The following GRIA4 variants were observed in gnomAD, a reference collection of about 807,000 sequenced individuals.
GRIA4 encodes the protein glutamate receptor 4.
A neutral mutation model predicts 104.0 loss-of-function variants in GRIA4; 34 were observed. That is an observed-to-expected ratio of 0.33 (90% CI 0.25 to 0.44). GRIA4 has a LOEUF of 0.44. GRIA4 is among the 20% of genes least tolerant of loss of function. The pLI is 1.00. For missense variants in GRIA4, 750 were observed against 1,096.5 expected (o/e 0.68, Z 4.46); for synonymous variants, 386 against 381.9 (o/e 1.01, Z -0.13).
chr11:105,674,575 C>A (rs141098059), intron 3 of GRIA4, among the ~76,000 whole-genome samples: 255 of 151,952 alleles, frequency 1.7e-3, no homozygotes, highest in African/African-American at 5.8e-3. Flanking sequence ...AGTTGGACTA[C>A]ATGACTTCCA....
intron 3 of GRIA4, among the ~76,000 whole-genome samples, chr11:105,623,621 T>C (rs774435990): frequency 6.6e-6 from 1 of 152,060 alleles, no homozygotes; most frequent in Non-Finnish European, 1.5e-5. Flanking sequence ...ATACAGTTAT[T>C]TGCCTAACTA....
At chr11:105,668,484 A>G (rs1487144796) in intron 3 of GRIA4, among the ~76,000 whole-genome samples, 4 of 151,456 alleles carry the variant, frequency 2.6e-5, no homozygotes, top group African/African-American at 9.7e-5. Flanking sequence ...TCTGCAAGGT[A>G]CTAATTTCAT....
chr11:105,643,845 A>G (rs1216315408), intron 3 of GRIA4, among the ~76,000 whole-genome samples: 2 of 152,114 alleles, frequency 1.3e-5, no homozygotes, highest in Non-Finnish European at 2.9e-5. Flanking sequence ...AAGCCTCCCC[A>G]GTAGCTGGGA....
chr11:105,813,501 C>T (rs920327394), intron 4 of GRIA4, among the ~76,000 whole-genome samples: 7 of 152,086 alleles, frequency 4.6e-5, no homozygotes, highest in South Asian at 2.1e-4. Flanking sequence ...AATATTTTCC[C>T]GTGAAGAAAC....
chr11:105,735,339 GATA>G (rs1398831640), intron 3 of GRIA4, among the ~76,000 whole-genome samples: 1 of 151,986 alleles, frequency 6.6e-6, no homozygotes, highest in Non-Finnish European at 1.5e-5. Context: ...AAAGAGAAAG[GATA>G]ATAATTTATT....
chr11:105,710,422 T>C lies in GRIA4; in HGVS notation c.248-42559T>C, dbSNP rs1014448240. On this transcript the variant is annotated intron_variant, in intron 3 of 16. Coordinates refer to ENST00000282499, the MANE Select transcript of GRIA4 (RefSeq NM_000829.4). ...CATTGTCAGAAAAATCCCTGGCCCC[T>C]GAGCCACCACCACAGCAAGTATTCT... Among the ~76,000 whole-genome samples the C allele has an allele frequency of 9.2e-5, 14 of 152,232 alleles. No individual in the cohort carries two copies. In the South Asian group the frequency reaches 1.9e-3, roughly 20 times the overall value.
At chr11:105,966,701 G>GTTT in intron 14 of GRIA4, among the ~76,000 whole-genome samples, 1 of 151,744 alleles carries the variant, frequency 6.6e-6, no homozygotes, top group South Asian at 2.1e-4. Flanking sequence ...TAAAATAATA[G>GTTT]TTTTTTTTAT....
intron 4 of GRIA4, among the ~76,000 whole-genome samples, chr11:105,768,338 T>C (rs1042578163): frequency 6.6e-6 from 1 of 152,142 alleles, no homozygotes; most frequent in African/African-American, 2.4e-5. Flanking sequence ...TAAAGGATGA[T>C]ATTGGCATAA....
chr11:105,719,808 A>C (rs2135572666), intron 3 of GRIA4, among the ~76,000 whole-genome samples: 1 of 151,822 alleles, frequency 6.6e-6, no homozygotes, highest in Non-Finnish European at 1.5e-5. Context: ...TGGCATGAAA[A>C]TTTTTCCCAA....
intron 4 of GRIA4, among the ~76,000 whole-genome samples, chr11:105,757,046 C>T (rs1352161616): frequency 6.6e-6 from 1 of 152,064 alleles, no homozygotes; most frequent in Non-Finnish European, 1.5e-5. Context: ...TCACTTGTAA[C>T]TGAGGGAGAA....
At position 105,966,087 on chromosome 11, in the gene GRIA4, G is replaced by A. The variant is rs1468771180; in HGVS notation, c.2295-5827G>A. ...GTTAGCCTCAATGTCACCAAAAGCG[G>A]GTAAACAGTATGTAAAGTAATAGGT... On this transcript the variant is annotated intron_variant, in intron 14 of 16. Coordinates refer to ENST00000282499, the MANE Select transcript of GRIA4 (RefSeq NM_000829.4). The A allele has an allele frequency of 2.0e-6, 3 of 1,492,156 alleles. No individual in the cohort carries two copies. The Admixed American group carries it at 5.0e-5, about 25-fold the overall frequency. 92.4% of individuals were successfully genotyped at this position (1,492,156 alleles called of 1,614,324 possible).
chr11:105,742,490 T>G (rs1481863670), intron 3 of GRIA4, among the ~76,000 whole-genome samples: 1 of 152,042 alleles, frequency 6.6e-6, no homozygotes, highest in Non-Finnish European at 1.5e-5. Context: ...CTCTACTGAC[T>G]CCATTCCCTT....
rs765255898 is a variant in GRIA4 at position 105,981,592 on chromosome 11, A to ACACACACACACACACACAC, written c.*1853_*1854insCACACACACACACACACAC. 1 of 46,110 alleles carries ACACACACACACACACACAC rather than the reference A, an allele frequency of 2.2e-5. No individual in the cohort carries two copies. Among genetic ancestry groups the ACACACACACACACACACAC allele is most frequent in the Non-Finnish European group, 5.1e-5 (1 of 19,440 alleles). The allele number at this position is 46,110 out of a possible 1,614,324, so 2.9% of individuals were successfully genotyped here. A position where few individuals can be genotyped will look rare whatever the true frequency, so the allele number is the denominator to read the frequency against. On this transcript the variant is annotated 3_prime_UTR_variant, in exon 17 of 17. Coordinates refer to ENST00000282499, the MANE Select transcript of GRIA4 (RefSeq NM_000829.4). ...ACACACACACACACACACACACACA[A>ACACACACACACACACACAC]GTCCCTCAGGAAAAATTCCAAGCTC...
intron 3 of GRIA4, among the ~76,000 whole-genome samples, chr11:105,620,188 A>G (rs1196538250): frequency 2.0e-5 from 3 of 151,858 alleles, no homozygotes; most frequent in Non-Finnish European, 4.4e-5. Flanking sequence ...TTTTCTCAGA[A>G]TAGTTTGCAG....
At chr11:105,790,917 T>C (rs948650641) in intron 4 of GRIA4, among the ~76,000 whole-genome samples, 8 of 152,174 alleles carry the variant, frequency 5.3e-5, no homozygotes, top group African/African-American at 1.9e-4. Context: ...CTGAAGAACC[T>C]TGGCTGTCCA....
intron 4 of GRIA4, among the ~76,000 whole-genome samples, chr11:105,846,086 T>C (rs1396026339): frequency 6.6e-6 from 1 of 152,158 alleles, no homozygotes; most frequent in African/African-American, 2.4e-5. Context: ...TCAATAAATA[T>C]TTATGGTGTG....
chr11:105,744,565 C>T (rs545539971), intron 3 of GRIA4, among the ~76,000 whole-genome samples: 2 of 152,044 alleles, frequency 1.3e-5, no homozygotes, highest in Non-Finnish European at 2.9e-5. Flanking sequence ...GAATACATAC[C>T]TCACCTCAAA....
At chr11:105,837,474 T>C (rs550904852) in intron 4 of GRIA4, among the ~76,000 whole-genome samples, 92 of 152,228 alleles carry the variant, frequency 6.0e-4, no homozygotes, top group African/African-American at 2.0e-3. Flanking sequence ...AGGAGCACAG[T>C]GTAGATTTAA....
intron 3 of GRIA4, among the ~76,000 whole-genome samples, chr11:105,686,029 C>T (rs755279321): frequency 2.6e-5 from 4 of 151,466 alleles, no homozygotes; most frequent in Non-Finnish European, 5.9e-5. Context: ...TAGAGGAATG[C>T]AATAAAGGCC....
Sources: gnomAD v4.1 joint callset for allele counts (sites outside exome capture counted in the v4.1 genomes callset) on GRCh38, gnomAD v4.1.1 for gene constraint, MANE v1.5 for transcripts, NCBI Gene and HGNC (gene_info 2026-07-23, HGNC 2026-07-21) for gene names.